ZC3H7B: variants seen among roughly 807,000 people sequenced by gnomAD.
ZC3H7B encodes the protein zinc finger CCCH-type containing 7B.
ZC3H7B carries 35 observed loss-of-function variants against 116.0 expected under a neutral mutation model. That is an observed-to-expected ratio of 0.30 (90% CI 0.23 to 0.40). The LOEUF (loss-of-function observed/expected upper bound fraction) is 0.40. ZC3H7B is among the 10% of genes least tolerant of loss of function. The pLI is 1.00. For synonymous variants in ZC3H7B, 502 were observed against 545.6 expected, an observed-to-expected ratio of 0.92 and a Z score of 1.11; for missense variants, 1,011 against 1,321.5, an observed-to-expected ratio of 0.77 and a Z score of 3.64.
At position 41,340,024 on chromosome 22, in the gene ZC3H7B, C is replaced by CGGGCCCCACGCT; in HGVS notation, c.1028_1039dup (p.Gly343_Leu346dup). The CGGGCCCCACGCT allele has an allele frequency of 6.2e-7, 1 of 1,611,136 alleles. No individual in the cohort carries two copies. Among genetic ancestry groups the CGGGCCCCACGCT allele is most frequent in the Non-Finnish European group, 8.5e-7 (1 of 1,179,988 alleles). ...TCTGTGCTGGATGCCCTCGATCCCC[C>CGGGCCCCACGCT]GGGCCCCACGCTGGACCCCCTGGAC... On this transcript the variant is annotated inframe_insertion, in exon 10 of 23. Transcript: ENST00000352645.
chr22:41,331,760 A>G (rs2036387216), intron 6 of ZC3H7B, among the ~76,000 whole-genome samples: 1 of 151,904 alleles, frequency 6.6e-6, no homozygotes, highest in African/African-American at 2.4e-5. Context: ...AGTCTCAGCT[A>G]CTTGGGAGGC....
rs1437574911 is a variant in ZC3H7B at position 41,325,707 on chromosome 22, C to T, written c.88-14C>T. Reference sequence around the variant, plus strand: ...CAGAGGTCATGAGCCCCCTACACACCTTGCCCCCAACAGGCCTTTCTGCTC... The same window carrying T: ...CAGAGGTCATGAGCCCCCTACACACTTTGCCCCCAACAGGCCTTTCTGCTC... On this transcript the variant is annotated splice_polypyrimidine_tract_variant and intron_variant, in intron 3 of 22. Coordinates refer to ENST00000352645, the MANE Select transcript of ZC3H7B (RefSeq NM_017590.6). The T allele has an allele frequency of 3.1e-6, 5 of 1,611,234 alleles. No homozygotes were observed. Among genetic ancestry groups the T allele is most frequent in the Non-Finnish European group, 4.2e-6 (5 of 1,178,902 alleles).
At chr22:41,319,202 C>T (rs946602142) in intron 1 of ZC3H7B, among the ~76,000 whole-genome samples, 4 of 152,196 alleles carry the variant, frequency 2.6e-5, no homozygotes, top group Middle Eastern at 3.4e-3. Context: ...GCGATCGAGA[C>T]CATCCTGGCT....
chr22:41,352,391 A>T (rs930199751), intron 17 of ZC3H7B, among the ~76,000 whole-genome samples: 84 of 152,210 alleles, frequency 5.5e-4, no homozygotes, highest in African/African-American at 2.0e-3. Flanking sequence ...ACATTTCTCT[A>T]TTGTAAAATT....
At chr22:41,318,887 C>T (rs887384697) in intron 1 of ZC3H7B, among the ~76,000 whole-genome samples, 1 of 152,202 alleles carries the variant, frequency 6.6e-6, no homozygotes, top group Non-Finnish European at 1.5e-5. Context: ...AGGACCTTTG[C>T]ACTCACTGTT....
chr22:41,301,976 T>G (rs1444061606), intron 1 of ZC3H7B, among the ~76,000 whole-genome samples: 4 of 152,034 alleles, frequency 2.6e-5, no homozygotes, highest in Non-Finnish European at 5.9e-5. Context: ...TAAAACCCCA[T>G]TTGCTCCTTT....
chr22:41,342,753 C>T (rs1388610179), intron 12 of ZC3H7B, 125 bp downstream of exon 12: 1 of 984,786 alleles, frequency 1.0e-6, no homozygotes, highest in Admixed American at 2.6e-5. Context: ...TCAGAAGCCC[C>T]TCTGGGGCAG....
Position 41,355,784 on chromosome 22 carries a change from G to C in ZC3H7B, c.2196G>C (p.Leu732=). Residue 732 remains leucine (L), a synonymous_variant, in exon 19 of 23, where the codon CTG becomes CTC. Transcript: ENST00000352645. ...GGACCAAGGAGCGGCGGGTCCTTCT[G>C]GTGATGTCCAAGGCCAAGAGGAAAT... ...HCWTKERRVL[L]VMSKAKRKWV... 1 of 1,612,788 alleles carries C rather than the reference G, an allele frequency of 6.2e-7. No homozygotes were observed.
Position 41,356,077 on chromosome 22 carries a change from G to A in ZC3H7B, c.2383+15G>A, listed in dbSNP as rs369723944. 35 of 1,554,090 alleles carry A rather than the reference G, an allele frequency of 2.3e-5. No homozygotes were observed. The highest frequency in any genetic ancestry group is 4.4e-5 in the Admixed American group (2 of 45,954). On this transcript the variant is annotated intron_variant, in intron 20 of 22. Coordinates refer to ENST00000352645, the MANE Select transcript of ZC3H7B (RefSeq NM_017590.6). Reference sequence around the variant, plus strand: ...GGAGAACAAGAGTGAGTGGGCAGACGGGGCGGGCGGGCCCTCCCCCGGTGT... The same window carrying A: ...GGAGAACAAGAGTGAGTGGGCAGACAGGGCGGGCGGGCCCTCCCCCGGTGT...
intron 1 of ZC3H7B, among the ~76,000 whole-genome samples, chr22:41,317,385 A>T (rs1319000581): frequency 6.6e-6 from 1 of 152,088 alleles, no homozygotes; most frequent in Non-Finnish European, 1.5e-5. Context: ...TCATAACCTG[A>T]TTTAACCTTA....
At chr22:41,309,962 T>C (rs2036096153) in intron 1 of ZC3H7B, among the ~76,000 whole-genome samples, 1 of 151,770 alleles carries the variant, frequency 6.6e-6, no homozygotes, top group African/African-American at 2.4e-5. Flanking sequence ...TCCCAGCACT[T>C]TGGGAGGCCG....
chr22:41,337,899 G>A (rs1439801382), intron 7 of ZC3H7B, among the ~76,000 whole-genome samples: 12 of 147,460 alleles, frequency 8.1e-5, no homozygotes, highest in Admixed American at 1.4e-4. Context: ...GTAGAGTCTC[G>A]CTCTGTTGCC....
At chr22:41,319,701 G>A (rs375630807) in intron 1 of ZC3H7B, among the ~76,000 whole-genome samples, 6 of 150,772 alleles carry the variant, frequency 4.0e-5, no homozygotes, top group Non-Finnish European at 7.4e-5. Flanking sequence ...ATTTATTGTC[G>A]TGTGCCTCTC....
intron 10 of ZC3H7B, 74 bp from the exon 11 acceptor site, chr22:41,341,014 A>G: frequency 6.8e-7 from 1 of 1,460,404 alleles, no homozygotes; most frequent in Non-Finnish European, 9.5e-7. Context: ...AGCAATACAT[A>G]AGGGGAAGCC....
Position 41,343,370 on chromosome 22 carries a change from C to A in ZC3H7B, c.1298-45C>A, listed in dbSNP as rs556210316. On this transcript the variant is annotated intron_variant, in intron 12 of 22. Transcript: ENST00000352645. ...CATGGGCCTGCCAGCCATCACTCTT[C>A]AATTCTGCTTCCGGAATTATCATGT... 3.5e-5 allele frequency: 56 copies of A among 1,579,342 alleles called. 1 individual carries two copies. In the Admixed American group the frequency reaches 3.6e-4, roughly 10 times the overall value.
At position 41,357,004 on chromosome 22, in the gene ZC3H7B, C is replaced by T. The variant is rs1298974608; in HGVS notation, c.2682-173C>T. On this transcript the variant is annotated intron_variant, in intron 22 of 22. Transcript: ENST00000352645. This position sits in a 1 kb window ranked among gnomAD's most constrained non-coding sequence, Gnocchi z 5.4. Reference sequence around the variant, plus strand: ...CAGACCTATCTAGACCTTTAATTTGCAGCTGTGGGGCAGATCCCAGAGAGG... The same window carrying T: ...CAGACCTATCTAGACCTTTAATTTGTAGCTGTGGGGCAGATCCCAGAGAGG... Among the ~76,000 whole-genome samples, 1 of 152,120 alleles carries T rather than the reference C, an allele frequency of 6.6e-6. No individual in the cohort carries two copies. Among genetic ancestry groups the T allele is most frequent in the Non-Finnish European group, 1.5e-5 (1 of 68,012 alleles).
intron 1 of ZC3H7B, 107 bp from the exon 2 acceptor site, chr22:41,320,548 A>C: frequency 1.2e-5 from 15 of 1,219,170 alleles, no homozygotes; most frequent in East Asian, 4.9e-5. Flanking sequence ...GGGGAAGGGA[A>C]TGAGAGTGGG....
chr22:41,350,610 C>CT (rs1342196245), intron 16 of ZC3H7B, among the ~76,000 whole-genome samples: 6 of 152,068 alleles, frequency 3.9e-5, no homozygotes, highest in Non-Finnish European at 8.8e-5. Context: ...AAGGTGGACT[C>CT]TAAGATCAGA....
chr22:41,343,321 G>C lies in ZC3H7B; in HGVS notation c.1298-94G>C. On this transcript the variant is annotated intron_variant, in intron 12 of 22. Coordinates refer to ENST00000352645, the MANE Select transcript of ZC3H7B (RefSeq NM_017590.6). ...CTCAGAGGGGAGGTAGGTATATAAG[G>C]AGGGGGCCGATTCCTACCCACCGCA... 2.0e-6 allele frequency: 3 copies of C among 1,485,978 alleles called. 1 individual carries two copies. In the South Asian group the frequency reaches 4.0e-5, roughly 20 times the overall value. The allele number at this position is 1,485,978 out of a possible 1,614,324, so 92.0% of individuals were successfully genotyped here. A position where few individuals can be genotyped will look rare whatever the true frequency, so the allele number is the denominator to read the frequency against.
Sources: gnomAD v4.1 joint callset for allele counts (sites outside exome capture counted in the v4.1 genomes callset) on GRCh38, gnomAD v4.1.1 for gene constraint, Gnocchi (gnomAD v3.1) non-coding constraint, MANE v1.5 for transcripts, NCBI Gene and HGNC (gene_info 2026-07-23, HGNC 2026-07-21) for gene names.